Variants in CFAP299 observed in about 807,000 individuals in gnomAD.
The protein encoded by CFAP299 is cilia and flagella associated protein 299.
A neutral mutation model predicts 27.0 loss-of-function variants in CFAP299; 21 were observed. The observed-to-expected ratio is 0.78, with a 90% CI of 0.55 to 1.12. The LOEUF is 1.12. Ranked by LOEUF, CFAP299 falls within the 50% of genes most tolerant of loss-of-function variation. The pLI, the probability that CFAP299 is intolerant of heterozygous loss-of-function variation, is 0.00. For missense variants in CFAP299, 310 were observed against 276.6 expected (o/e 1.12, Z -0.86); for synonymous variants, 104 against 98.1 (o/e 1.06, Z -0.36).
At chr4:80,395,921 A>G (rs532431606) in intron 2 of CFAP299, among the ~76,000 whole-genome samples, 1 of 152,156 alleles carries the variant, frequency 6.6e-6, no homozygotes, top group African/African-American at 2.4e-5. Flanking sequence ...CTAAGCTTAG[A>G]AAACCTAAAA....
At chr4:80,803,467 G>T (rs1313907914) in intron 3 of CFAP299, among the ~76,000 whole-genome samples, 2 of 151,932 alleles carry the variant, frequency 1.3e-5, no homozygotes, top group Non-Finnish European at 2.9e-5. Context: ...GGATCATAGG[G>T]TGTATACCAA....
rs560968862 is a variant in CFAP299, at chr4:80,780,803, G to A, written c.334-89190G>A. On this transcript the variant is annotated intron_variant, in intron 3 of 5. Coordinates refer to ENST00000358105, the MANE Select transcript of CFAP299 (RefSeq NM_152770.3). ...ACATTATATATTGACTGGGTAGACA[G>A]AGTCTATATTTATAGTAGAACTAGA... Among the ~76,000 whole-genome samples, 13 of 151,928 alleles carry A rather than the reference G, an allele frequency of 8.6e-5. No individual in the cohort carries two copies. In the East Asian group the frequency reaches 2.1e-3, roughly 25 times the overall value.
chr4:80,873,781 C>T (rs887743677), intron 4 of CFAP299, among the ~76,000 whole-genome samples: 1 of 152,174 alleles, frequency 6.6e-6, no homozygotes, highest in African/African-American at 2.4e-5. Context: ...CATGTTTATG[C>T]ATGTGTTGAA....
intron 4 of CFAP299, among the ~76,000 whole-genome samples, chr4:80,924,554 A>G (rs919784337): frequency 1.3e-5 from 2 of 148,542 alleles, no homozygotes; most frequent in South Asian, 4.2e-4. Context: ...ATATATATAT[A>G]TATATATATC....
intron 2 of CFAP299, among the ~76,000 whole-genome samples, chr4:80,365,447 A>G (rs1408739720): frequency 6.6e-6 from 1 of 152,214 alleles, no homozygotes; most frequent in African/African-American, 2.4e-5. Flanking sequence ...GTAATGCAAC[A>G]TATTCACAGT....
intron 3 of CFAP299, among the ~76,000 whole-genome samples, chr4:80,732,022 G>A (rs552373986): frequency 2.6e-5 from 4 of 151,328 alleles, no homozygotes; most frequent in Non-Finnish European, 5.9e-5. Flanking sequence ...CCTTAAAAGT[G>A]CAATGCAAAG....
chr4:80,462,915 G>GA (rs1729514588), intron 2 of CFAP299, among the ~76,000 whole-genome samples: 1 of 152,064 alleles, frequency 6.6e-6, no homozygotes, highest in African/African-American at 2.4e-5. Flanking sequence ...CTTCAGTCTA[G>GA]AATATTGGAG....
intron 3 of CFAP299, among the ~76,000 whole-genome samples, chr4:80,657,894 C>G (rs1382587587): frequency 6.6e-6 from 1 of 151,828 alleles, no homozygotes; most frequent in Non-Finnish European, 1.5e-5. Context: ...TGTGTCCTCT[C>G]AAATAATTTC....
intron 1 of CFAP299, among the ~76,000 whole-genome samples, chr4:80,362,236 C>T (rs1042984176): frequency 1.3e-5 from 2 of 151,392 alleles, no homozygotes; most frequent in Non-Finnish European, 2.9e-5. Context: ...AATTCATCTG[C>T]TCCTCTTTAT....
intron 3 of CFAP299, among the ~76,000 whole-genome samples, chr4:80,757,978 T>A (rs974453254): frequency 1.3e-5 from 2 of 152,120 alleles, no homozygotes; most frequent in African/African-American, 2.4e-5. Context: ...GGCAGGAGCA[T>A]AACTTCGTGC....
At position 80,386,554 on chromosome 4, in the gene CFAP299, C is replaced by T. The variant is rs1265220479; in HGVS notation, c.242+23670C>T. ...GCCGGGTTTGCAGGTCCTTTTCCTTCTGGGGGCCGAGACGACAGCGGTGAT... is the reference window on the plus strand; with the variant it reads ...GCCGGGTTTGCAGGTCCTTTTCCTTTTGGGGGCCGAGACGACAGCGGTGAT... On this transcript the variant is annotated intron_variant, in intron 2 of 5. Transcript: ENST00000358105. 2.9e-4 allele frequency: 456 copies of T among 1,595,512 alleles called. 2 individuals are homozygous for T. The highest frequency in any genetic ancestry group is 3.8e-4 in the Non-Finnish European group (440 of 1,165,942).
intron 4 of CFAP299, among the ~76,000 whole-genome samples, chr4:80,919,253 A>T (rs1030469982): frequency 6.6e-6 from 1 of 152,114 alleles, no homozygotes; most frequent in African/African-American, 2.4e-5. Flanking sequence ...AGATCCCACA[A>T]TTCAGGTTAT....
chr4:80,643,986 A>G (rs2109961965), intron 3 of CFAP299, among the ~76,000 whole-genome samples: 1 of 152,310 alleles, frequency 6.6e-6, no homozygotes, highest in African/African-American at 2.4e-5. Context: ...CTAAGATGCA[A>G]GTTTCAATAC....
chr4:80,874,952 A>G (rs887307951), intron 4 of CFAP299, among the ~76,000 whole-genome samples: 1 of 152,222 alleles, frequency 6.6e-6, no homozygotes, highest in Non-Finnish European at 1.5e-5. Context: ...TTATTATTTC[A>G]TGTTAAAATA....
At chr4:80,390,610 C>CATATGTAT in intron 2 of CFAP299, among the ~76,000 whole-genome samples, 1 of 28,720 alleles carries the variant, frequency 3.5e-5, no homozygotes, top group Admixed American at 4.8e-4. Context: ...TGTATACACA[C>CATATGTAT]ATATGTATAT....
chr4:80,754,649 G>A (rs973287986), intron 3 of CFAP299, among the ~76,000 whole-genome samples: 5 of 151,852 alleles, frequency 3.3e-5, no homozygotes, highest in African/African-American at 1.2e-4. Flanking sequence ...TTTGCAAGAA[G>A]AGCTTGAGAA....
chr4:80,487,010 C>T (rs1296510347), intron 2 of CFAP299, among the ~76,000 whole-genome samples: 1 of 152,178 alleles, frequency 6.6e-6, no homozygotes. Context: ...GAGAGTAGTG[C>T]TTGAGTTCAC....
chr4:80,520,671 G>A (rs948983290), intron 2 of CFAP299, among the ~76,000 whole-genome samples: 2 of 152,130 alleles, frequency 1.3e-5, no homozygotes, highest in African/African-American at 4.8e-5. Flanking sequence ...ACGCATAGTG[G>A]GGAGGCAAGA....
intron 3 of CFAP299, among the ~76,000 whole-genome samples, chr4:80,761,389 G>A (rs1725533606): frequency 6.6e-6 from 1 of 151,914 alleles, no homozygotes; most frequent in Non-Finnish European, 1.5e-5. Context: ...CTAAGAGACA[G>A]TGGAATTTTG....
Sources: gnomAD v4.1 joint callset for allele counts (sites outside exome capture counted in the v4.1 genomes callset) on GRCh38, gnomAD v4.1.1 for gene constraint, MANE v1.5 for transcripts, NCBI Gene and HGNC (gene_info 2026-07-23, HGNC 2026-07-21) for gene names.